The following SLC39A11 variants were observed in gnomAD, a reference collection of about 807,000 sequenced individuals.
The protein encoded by SLC39A11 is solute carrier family 39 member 11, also known as zinc transporter ZIP11.
A neutral mutation model predicts 36.1 loss-of-function variants in SLC39A11; 33 were observed. That is an observed-to-expected ratio of 0.91 (90% CI 0.69 to 1.22). The LOEUF is 1.22. Ranked by LOEUF, SLC39A11 falls within the 50% of genes most tolerant of loss-of-function variation. The pLI, the probability that SLC39A11 is intolerant of heterozygous loss-of-function variation, is 0.00. For missense variants in SLC39A11, 432 were observed against 430.3 expected, an observed-to-expected ratio of 1.00 and a Z score of -0.03; for synonymous variants, 166 against 170.3, an observed-to-expected ratio of 0.97 and a Z score of 0.20.
At chr17:72,848,105 G>A (rs865787175) in intron 6 of SLC39A11, among the ~76,000 whole-genome samples, 1 of 152,198 alleles carries the variant, frequency 6.6e-6, no homozygotes, top group East Asian at 1.9e-4. Flanking sequence ...CCCAAGCACT[G>A]TACTGAAAGC....
chr17:72,690,657 T>C (rs953927547), intron 7 of SLC39A11, among the ~76,000 whole-genome samples: 1 of 152,248 alleles, frequency 6.6e-6, no homozygotes, highest in South Asian at 2.1e-4. Context: ...TGTGTTATAA[T>C]GCCCTTTTGG....
intron 3 of SLC39A11, among the ~76,000 whole-genome samples, chr17:73,040,525 CAAAT>C (rs1242149750): frequency 1.3e-5 from 2 of 152,146 alleles, no homozygotes; most frequent in African/African-American, 4.8e-5. Flanking sequence ...TAGTAACAAA[CAAAT>C]GTTAATTCTT....
chr17:72,904,955 C>T (rs960821007), intron 5 of SLC39A11, among the ~76,000 whole-genome samples: 11 of 151,394 alleles, frequency 7.3e-5, no homozygotes, highest in Non-Finnish European at 1.2e-4. Context: ...AGGCGGATCA[C>T]GAGGTCAGGA....
intron 7 of SLC39A11, among the ~76,000 whole-genome samples, chr17:72,728,633 A>T (rs2074032080): frequency 6.6e-6 from 1 of 152,196 alleles, no homozygotes; most frequent in Non-Finnish European, 1.5e-5. Flanking sequence ...CGTATGCTCC[A>T]ATAAAGCCTC....
intron 6 of SLC39A11, among the ~76,000 whole-genome samples, chr17:72,822,403 A>C (rs1351856710): frequency 6.7e-6 from 1 of 150,056 alleles, no homozygotes; most frequent in Non-Finnish European, 1.5e-5. Flanking sequence ...TGTTAATTTG[A>C]CTCATGACTT....
chr17:73,080,521 C>T (rs569298299), intron 3 of SLC39A11, among the ~76,000 whole-genome samples: 1 of 152,164 alleles, frequency 6.6e-6, no homozygotes, highest in African/African-American at 2.4e-5. Flanking sequence ...AGACCTGAAA[C>T]CATAAAAATT....
At chr17:72,856,623 T>C (rs978104554) in intron 5 of SLC39A11, among the ~76,000 whole-genome samples, 2 of 152,234 alleles carry the variant, frequency 1.3e-5, no homozygotes, top group African/African-American at 4.8e-5. Context: ...TATGGAACTA[T>C]GTAGTATGAT....
intron 6 of SLC39A11, 72 bp downstream of exon 6, chr17:72,849,562 A>C (rs2079202148): frequency 7.3e-7 from 1 of 1,367,732 alleles, no homozygotes; most frequent in Admixed American, 2.9e-5. Flanking sequence ...CCCCTTTTCC[A>C]GCCAGACAAC....
At position 72,866,906 on chromosome 17, in the gene SLC39A11, G is replaced by A. The variant is rs1403044499; in HGVS notation, c.431-17102C>T. ...TCCTAAAATCCCCCATAGATTCTAA[G>A]TGAAGAGATATTATAAGAGAAATCA... On this transcript the variant is annotated intron_variant, in intron 5 of 9. Coordinates refer to ENST00000255559, the MANE Select transcript of SLC39A11 (RefSeq NM_139177.4). Among the ~76,000 whole-genome samples the A allele has an allele frequency of 2.6e-5, 4 of 152,174 alleles. No individual in the cohort carries two copies. The East Asian group carries it at 7.7e-4, about 29-fold the overall frequency.
At chr17:72,812,146 A>G (rs968468207) in intron 6 of SLC39A11, among the ~76,000 whole-genome samples, 8 of 152,210 alleles carry the variant, frequency 5.3e-5, no homozygotes, top group African/African-American at 1.9e-4. Flanking sequence ...CCAGAAAAAT[A>G]AGAAAAAATA....
At chr17:72,912,282 A>G (rs78691354) in intron 5 of SLC39A11, among the ~76,000 whole-genome samples, 77,279 of 151,204 alleles carry the variant, frequency 0.51, 19,700 homozygotes, top group African/African-American at 0.53. Flanking sequence ...ATGTCTACAG[A>G]GGACCTAGTG....
chr17:72,758,189 A>T (rs1052336273), intron 6 of SLC39A11, among the ~76,000 whole-genome samples: 3 of 152,188 alleles, frequency 2.0e-5, no homozygotes, highest in African/African-American at 4.8e-5. Flanking sequence ...CCCAGTCTTT[A>T]GTTAGTATTT....
intron 4 of SLC39A11, among the ~76,000 whole-genome samples, chr17:72,967,416 G>A (rs1479045773): frequency 2.0e-5 from 3 of 151,246 alleles, no homozygotes; most frequent in Non-Finnish European, 4.4e-5. Flanking sequence ...GTGTGTGTGT[G>A]TTTTCCTTTT....
chr17:72,665,398 T>TTGTTTG lies in SLC39A11; in HGVS notation c.672-16131_672-16130insCAAACA, dbSNP rs1555631662. On this transcript the variant is annotated intron_variant, in intron 7 of 9. Transcript: ENST00000255559. ...CACCAAGTTTTGAGGTGTTTTTTTT[T>TTGTTTG]TTTTTTTTTTTTGAGACAGGGTCTT... Among the ~76,000 whole-genome samples the TTGTTTG allele has an allele frequency of 1.1e-3, 148 of 130,264 alleles. 2 individuals are homozygous for TTGTTTG. The highest frequency in any genetic ancestry group is 7.0e-3 in the East Asian group (32 of 4,554). 85.5% of individuals were successfully genotyped at this position (130,264 alleles called of 152,430 possible). A position where few individuals can be genotyped will look rare whatever the true frequency, so the allele number is the denominator to read the frequency against.
chr17:73,064,314 C>T (rs566123410), intron 3 of SLC39A11, among the ~76,000 whole-genome samples: 2 of 150,752 alleles, frequency 1.3e-5, no homozygotes, highest in African/African-American at 4.9e-5. Flanking sequence ...GATCAGCTTC[C>T]ACCAACAAGC....
intron 5 of SLC39A11, among the ~76,000 whole-genome samples, chr17:72,854,813 A>G (rs769438515): frequency 2.6e-5 from 4 of 152,194 alleles, no homozygotes; most frequent in African/African-American, 7.2e-5. Context: ...GGACGACAAT[A>G]AAACAGACAG....
intron 3 of SLC39A11, among the ~76,000 whole-genome samples, chr17:73,039,693 T>A (rs2059044870): frequency 6.6e-6 from 1 of 152,216 alleles, no homozygotes; most frequent in Non-Finnish European, 1.5e-5. Context: ...ATTGAGATTT[T>A]CATGGGTGTG....
intron 5 of SLC39A11, among the ~76,000 whole-genome samples, chr17:72,930,560 C>T (rs912778299): frequency 6.6e-6 from 1 of 152,186 alleles, no homozygotes; most frequent in African/African-American, 2.4e-5. Context: ...ATCTTCTTTA[C>T]TCCCTGGCTG....
chr17:72,910,522 G>T (rs1004401645), intron 5 of SLC39A11, among the ~76,000 whole-genome samples: 2 of 151,194 alleles, frequency 1.3e-5, no homozygotes, highest in African/African-American at 4.9e-5. Flanking sequence ...TACTCAGGAG[G>T]CTGAGGTGCG....
Sources: allele counts gnomAD v4.1 joint callset (sites outside exome capture counted in the v4.1 genomes callset), GRCh38; gene constraint gnomAD v4.1.1; transcripts MANE v1.5; gene names NCBI Gene and HGNC (gene_info 2026-07-23, HGNC 2026-07-21).